The following CBY2 variants were observed in gnomAD, a reference collection of about 807,000 sequenced individuals.
CBY2 encodes protein chibby homolog 2.
CBY2 carries 23 observed loss-of-function variants against 25.3 expected under a neutral mutation model. The ratio of observed to expected loss-of-function variants is 0.91; its 90% CI spans 0.65 to 1.29. The LOEUF (loss-of-function observed/expected upper bound fraction) is 1.29. Among genes scored for constraint, CBY2 ranks in the 50% most tolerant of loss-of-function variants. The pLI, the probability that CBY2 is intolerant of heterozygous loss-of-function variation, is 0.00. For synonymous variants in CBY2, 279 were observed against 260.2 expected, an observed-to-expected ratio of 1.07 and a Z score of -0.70; for missense variants, 642 against 590.7, an observed-to-expected ratio of 1.09 and a Z score of -0.90.
rs556220227 is a variant in CBY2, at chr13:45,705,708, AATAATG to A, written c.156+2861_156+2866del. ...GTACCAGGGAGCTGAATTAATTTAA[AATAATG>A]ATAATGAGACTCAGCCTTGTCATCT... On this transcript the variant is annotated intron_variant, in intron 2 of 2. Transcript: ENST00000310521. Among the ~76,000 whole-genome samples, 109 of 152,244 alleles carry A rather than the reference AATAATG, an allele frequency of 7.2e-4. 1 individual carries two copies. Among genetic ancestry groups the A allele is most frequent in the Non-Finnish European group, 1.5e-3 (101 of 68,044 alleles).
Position 45,713,358 on chromosome 13 carries a change from C to T in CBY2, c.333C>T (p.Asp111=). ...TGGAGCGCCCCATGTCCCAGGCCGA[C>T]CTGGAGCTGGACTACAACCCGCCGC... ...DPMERPMSQA[D]LELDYNPPRV... is the part of the protein sequence containing the mutation. Residue 111 remains aspartate, a synonymous_variant, in exon 3 of 3, where the codon GAC becomes GAT. Coordinates refer to ENST00000310521, the MANE Select transcript of CBY2 (RefSeq NM_152719.3). The surrounding 1 kb of genome is among the most constrained non-coding windows in gnomAD (Gnocchi z 5.0). 6.2e-7 allele frequency: 1 copy of T among 1,614,190 alleles called. No homozygotes were observed. Among genetic ancestry groups the T allele is most frequent in the Non-Finnish European group, 8.5e-7 (1 of 1,180,042 alleles).
Position 45,713,832 on chromosome 13 carries a change from G to T in CBY2, c.807G>T (p.Ala269=), listed in dbSNP as rs1188029124. 2 of 1,532,474 alleles carry T rather than the reference G, an allele frequency of 1.3e-6. No individual in the cohort carries two copies. The highest frequency in any genetic ancestry group is 1.8e-6 in the Non-Finnish European group (2 of 1,141,290). The allele number at this position is 1,532,474 out of a possible 1,614,324, so 94.9% of individuals were successfully genotyped here. A position where few individuals can be genotyped will look rare whatever the true frequency, so the allele number is the denominator to read the frequency against. ...QLLEQKQAYW[A]QAEDTAAPAE... is the part of the protein sequence containing the mutation. ...TGGAGCAGAAACAGGCCTACTGGGC[G>T]CAGGCAGAGGACACGGCCGCCCCTG... The change falls in exon 3 of 3, where the codon GCG becomes GCT. Residue 269 remains alanine, a synonymous_variant. Coordinates refer to ENST00000310521, the MANE Select transcript of CBY2 (RefSeq NM_152719.3). This position sits in a 1 kb window ranked among gnomAD's most constrained non-coding sequence, Gnocchi z 5.0.
rs528758508 is a variant in CBY2, at chr13:45,713,205, G to A, written c.180G>A (p.Pro60=). ...LPQRGTAEPF[P]RLHNLYSTPR... ...AGAGGGGCACAGCCGAACCCTTCCC[G>A]AGGCTCCACAACTTGTACAGCACCC... is the stretch of plus-strand genomic sequence containing the variant. Residue 60 remains proline, a synonymous_variant, in exon 3 of 3, where the codon CCG becomes CCA. Coordinates refer to ENST00000310521, the MANE Select transcript of CBY2 (RefSeq NM_152719.3). The surrounding 1 kb of genome is among the most constrained non-coding windows in gnomAD (Gnocchi z 5.0). 4 of 1,612,592 alleles carry A rather than the reference G, an allele frequency of 2.5e-6. No individual in the cohort carries two copies. The highest frequency in any genetic ancestry group is 1.1e-5 in the South Asian group (1 of 90,968).
intron 2 of CBY2, among the ~76,000 whole-genome samples, chr13:45,709,826 C>T (rs1237360131): frequency 6.6e-6 from 1 of 152,110 alleles, no homozygotes; most frequent in Non-Finnish European, 1.5e-5. Context: ...ATATCATGTT[C>T]CCCAAAGTAC....
rs1244718492 is a variant in CBY2, at chr13:45,713,599, G to A, written c.574G>A (p.Glu192Lys). ...LREENRMLSK[E>K]NKILQVFWEE... ...CGAGGAGAACCGGATGCTCAGCAAG[G>A]AGAACAAGATCCTACAGGTCTTCTG... The change falls in exon 3 of 3, where the codon GAG (glutamate) becomes AAG (lysine). Residue 192 changes from glutamate to lysine, a missense_variant. Physicochemically the swap from Glu to Lys is moderately conservative, Grantham distance 56. Coordinates refer to ENST00000310521, the MANE Select transcript of CBY2 (RefSeq NM_152719.3). This position sits in a 1 kb window ranked among gnomAD's most constrained non-coding sequence, Gnocchi z 5.0. 1.3e-5 allele frequency: 21 copies of A among 1,613,900 alleles called. No homozygotes were observed. The highest frequency in any genetic ancestry group is 1.8e-5 in the Non-Finnish European group (21 of 1,179,942).
Position 45,714,219 on chromosome 13 carries a change from G to A in CBY2, c.1194G>A (p.Lys398=), listed in dbSNP as rs752543285. The change falls in exon 3 of 3, where the codon AAG becomes AAA. Residue 398 remains lysine, a synonymous_variant. Transcript: ENST00000310521. ...AEHRGFQEEN[K]ALWENNKLKL... is the part of the protein sequence containing the mutation. ...ACAGGGGCTTCCAGGAGGAGAACAA[G>A]GCCCTGTGGGAGAACAACAAGCTGA... 1.2e-6 allele frequency: 2 copies of A among 1,612,958 alleles called. No homozygotes were observed. Among genetic ancestry groups the A allele is most frequent in the Non-Finnish European group, 1.7e-6 (2 of 1,179,856 alleles).
chr13:45,710,828 CAT>C (rs372441104), intron 2 of CBY2, among the ~76,000 whole-genome samples: 33 of 152,198 alleles, frequency 2.2e-4, no homozygotes, highest in African/African-American at 8.0e-4. Context: ...AAGTTAATGA[CAT>C]GTGCTTATTG....
intron 2 of CBY2, among the ~76,000 whole-genome samples, chr13:45,708,535 G>T (rs1388986544): frequency 1.3e-5 from 2 of 152,140 alleles, no homozygotes; most frequent in Non-Finnish European, 2.9e-5. Flanking sequence ...TCCTGAGTGG[G>T]TACATGACTA....
Position 45,713,214 on chromosome 13 carries a change from C to T in CBY2, c.189C>T (p.His63=), listed in dbSNP as rs141176172. Residue 63 remains histidine, a synonymous_variant, in exon 3 of 3, where the codon CAC becomes CAT. Transcript: ENST00000310521. The surrounding 1 kb of genome is among the most constrained non-coding windows in gnomAD (Gnocchi z 5.0). ...CAGCCGAACCCTTCCCGAGGCTCCACAACTTGTACAGCACCCCTCGCTGCG... is the reference window on the plus strand; with the variant it reads ...CAGCCGAACCCTTCCCGAGGCTCCATAACTTGTACAGCACCCCTCGCTGCG... The part of the protein sequence containing the change: ...RGTAEPFPRL[H]NLYSTPRCAQ... The T allele has an allele frequency of 6.4e-5, 103 of 1,613,214 alleles. No homozygotes were observed. The African/African-American group carries it at 1.2e-3, about 18-fold the overall frequency.
At position 45,714,546 on chromosome 13, in the gene CBY2, G is replaced by T; in HGVS notation, c.*174G>T. The T allele has an allele frequency of 1.9e-6, 1 of 523,566 alleles. No individual in the cohort carries two copies. Among genetic ancestry groups the T allele is most frequent in the Non-Finnish European group, 3.3e-6 (1 of 299,842 alleles). The allele number at this position is 523,566 out of a possible 1,614,324, so 32.4% of individuals were successfully genotyped here. A position where few individuals can be genotyped will look rare whatever the true frequency, so the allele number is the denominator to read the frequency against. ...TTAATAAAGGTGTGAGGAGGCTGGGGCCAGTTGACACCAGCATGCTGCCTT... is the reference window on the plus strand; with the variant it reads ...TTAATAAAGGTGTGAGGAGGCTGGGTCCAGTTGACACCAGCATGCTGCCTT... On this transcript the variant is annotated 3_prime_UTR_variant, in exon 3 of 3. Transcript: ENST00000310521.
chr13:45,713,133 G>A lies in CBY2; in HGVS notation c.157-49G>A. Reference sequence around the variant, plus strand: ...TGGCCCCTTTGTCAGCCAGCCCCAAGTGTGTCAGTCCCATCGTTAACGCTG... The same window carrying A: ...TGGCCCCTTTGTCAGCCAGCCCCAAATGTGTCAGTCCCATCGTTAACGCTG... On this transcript the variant is annotated intron_variant, in intron 2 of 2. Transcript: ENST00000310521. This position sits in a 1 kb window ranked among gnomAD's most constrained non-coding sequence, Gnocchi z 5.0. The A allele has an allele frequency of 1.4e-6, 2 of 1,444,090 alleles. No homozygotes were observed. Among genetic ancestry groups the A allele is most frequent in the Non-Finnish European group, 1.9e-6 (2 of 1,059,422 alleles). 89.5% of individuals were successfully genotyped at this position (1,444,090 alleles called of 1,614,324 possible). A position where few individuals can be genotyped will look rare whatever the true frequency, so the allele number is the denominator to read the frequency against.
Position 45,713,220 on chromosome 13 carries a change from G to C in CBY2, c.195G>C (p.Leu65Phe). The C allele has an allele frequency of 6.2e-7, 1 of 1,613,420 alleles. No individual in the cohort carries two copies. The highest frequency in any genetic ancestry group is 8.5e-7 in the Non-Finnish European group (1 of 1,179,836). The stretch of plus-strand genomic sequence containing the variant: ...AACCCTTCCCGAGGCTCCACAACTT[G>C]TACAGCACCCCTCGCTGCGCGCAGC... ...TAEPFPRLHN[L>F]YSTPRCAQQA... Residue 65 changes from leucine to phenylalanine, a missense_variant, in exon 3 of 3, where the codon TTG (leucine) becomes TTC (phenylalanine). Coordinates refer to ENST00000310521, the MANE Select transcript of CBY2 (RefSeq NM_152719.3). This position sits in a 1 kb window ranked among gnomAD's most constrained non-coding sequence, Gnocchi z 5.0.
At position 45,713,692 on chromosome 13, in the gene CBY2, A is replaced by C; in HGVS notation, c.667A>C (p.Ser223Arg). ...RAPSPLLHKD[S>R]ASLEVVKKDH... ...CCCCTCGCCACTGCTGCACAAAGAC[A>C]GCGCGTCCCTGGAGGTGGTGAAGAA... The change falls in exon 3 of 3, where the codon AGC becomes CGC. Residue 223 changes from serine to arginine, a missense_variant. Coordinates refer to ENST00000310521, the MANE Select transcript of CBY2 (RefSeq NM_152719.3). This position sits in a 1 kb window ranked among gnomAD's most constrained non-coding sequence, Gnocchi z 5.0. 6.2e-7 allele frequency: 1 copy of C among 1,612,582 alleles called. No homozygotes were observed. Among genetic ancestry groups the C allele is most frequent in the South Asian group, 1.1e-5 (1 of 91,080 alleles).
In CBY2 at chr13:45,704,215, C is replaced by G. The variant is rs1248815446; in HGVS notation, c.156+1360C>G. 6.6e-6 allele frequency among the ~76,000 whole-genome samples: 1 copy of G among 152,052 alleles called. No individual in the cohort carries two copies. Among genetic ancestry groups the G allele is most frequent in the East Asian group, 1.9e-4 (1 of 5,168 alleles). The stretch of plus-strand genomic sequence containing the variant: ...TTCCATCAACACCCACCGCAACTTT[C>G]CCTCCCCAGCTCCCAGAAACAGCCC... On this transcript the variant is annotated intron_variant, in intron 2 of 2. Transcript: ENST00000310521. The surrounding 1 kb of genome is among the most constrained non-coding windows in gnomAD (Gnocchi z 4.1).
At chr13:45,710,314 A>T (rs576553833) in intron 2 of CBY2, among the ~76,000 whole-genome samples, 8 of 152,254 alleles carry the variant, frequency 5.3e-5, no homozygotes, top group Admixed American at 3.3e-4. Context: ...CACAAGGTCA[A>T]GAGATCGAGA....
chr13:45,705,859 G>C (rs1296486165), intron 2 of CBY2, among the ~76,000 whole-genome samples: 1 of 152,178 alleles, frequency 6.6e-6, no homozygotes, highest in Non-Finnish European at 1.5e-5. Flanking sequence ...CCTCAGTAAT[G>C]TTGGCAAAGT....
chr13:45,703,555 G>A (rs1294263178), intron 2 of CBY2: 2 of 1,550,896 alleles, frequency 1.3e-6, no homozygotes, highest in Non-Finnish European at 8.7e-7. Flanking sequence ...TGCAACCAGA[G>A]GGGTTGAAAT....
At chr13:45,703,357 T>A (rs1484241608) in intron 2 of CBY2, 1 of 1,434,568 alleles carries the variant, frequency 7.0e-7, no homozygotes, top group Non-Finnish European at 9.1e-7. Flanking sequence ...TGGGCATAGA[T>A]GCTTTTTCAG....
rs1334308081 is a variant in CBY2 at position 45,713,853 on chromosome 13, C to T, written c.828C>T (p.Ala276=). The T allele has an allele frequency of 6.6e-7, 1 of 1,517,828 alleles. No homozygotes were observed. The highest frequency in any genetic ancestry group is 8.8e-7 in the Non-Finnish European group (1 of 1,134,920). The allele number at this position is 1,517,828 out of a possible 1,614,324, so 94.0% of individuals were successfully genotyped here. ...GGGCGCAGGCAGAGGACACGGCCGC[C>T]CCTGCCGAGGAAAGCAAGCCCGCCC... ...AYWAQAEDTA[A]PAEESKPAPS... The change falls in exon 3 of 3, where the codon GCC becomes GCT. Residue 276 remains alanine (A), a synonymous_variant. Transcript: ENST00000310521. This position sits in a 1 kb window ranked among gnomAD's most constrained non-coding sequence, Gnocchi z 5.0.
Sources: allele counts gnomAD v4.1 joint callset (sites outside exome capture counted in the v4.1 genomes callset), GRCh38; gene constraint gnomAD v4.1.1; non-coding constraint Gnocchi (gnomAD v3.1); transcripts MANE v1.5; gene names NCBI Gene and HGNC (gene_info 2026-07-23, HGNC 2026-07-21).